Variants in DMD observed in about 807,000 individuals in gnomAD.
DMD encodes the protein dystrophin, also known as mutant dystrophin.
In DMD, 63 loss-of-function variants were observed where a neutral mutation model predicts 330.1. The ratio of observed to expected loss-of-function variants is 0.19; its 90% CI spans 0.16 to 0.24. The LOEUF (loss-of-function observed/expected upper bound fraction) is 0.24. DMD is among the 10% of genes least tolerant of loss of function. DMD has a pLI of 1.00. For synonymous variants in DMD, 1,223 were observed against 959.8 expected (o/e 1.27, Z -5.07); for missense variants, 3,344 against 2,684.1 (o/e 1.25, Z -5.43).
intron 1 of DMD, among the ~76,000 whole-genome samples, chrX:33,161,475 A>G (rs964771193): frequency 9.8e-5 from 11 of 111,858 alleles, no homozygotes; most frequent in African/African-American, 2.9e-4. Flanking sequence ...AAAGGGTGAT[A>G]TTGTTATTCC....
At chrX:32,498,573 C>A (rs1358690766) in intron 19 of DMD, among the ~76,000 whole-genome samples, 3 of 111,226 alleles carry the variant, frequency 2.7e-5, no homozygotes, top group Non-Finnish European at 5.7e-5. Context: ...CAACTCATTT[C>A]TTTGGTTAAA....
At chrX:33,296,780 A>G (rs962205996) in intron 1 of DMD, among the ~76,000 whole-genome samples, 1 of 111,443 alleles carries the variant, frequency 9.0e-6, no homozygotes, top group African/African-American at 3.2e-5. Context: ...AGGAAGACAC[A>G]AAAAATAGTT....
chrX:32,454,857 C>T, intron 25 of DMD, 25 bp from the exon 26 acceptor site: 1 of 1,199,903 alleles, frequency 8.3e-7, no homozygotes, highest in African/African-American at 1.7e-5. Flanking sequence ...ACAAACAAAA[C>T]ACGATTATTG....
intron 1 of DMD, among the ~76,000 whole-genome samples, chrX:33,246,508 C>G (rs1357464141): frequency 1.8e-5 from 2 of 111,505 alleles, no homozygotes; most frequent in East Asian, 5.6e-4. Flanking sequence ...ACTGTTTACC[C>G]TAGAGATAGT....
chrX:33,111,349 C>T (rs187505510), intron 1 of DMD, among the ~76,000 whole-genome samples: 119 of 111,676 alleles, frequency 1.1e-3, no homozygotes, highest in African/African-American at 3.7e-3. Flanking sequence ...TCTCAATCCA[C>T]GGTTATTTCT....
intron 44 of DMD, among the ~76,000 whole-genome samples, chrX:32,078,204 A>T (rs2096366853): frequency 1.8e-5 from 2 of 110,102 alleles, no homozygotes; most frequent in African/African-American, 6.7e-5. Context: ...ATCTCAATAA[A>T]TGGTAATACC....
At chrX:31,994,830 A>G (rs1315926632) in intron 44 of DMD, among the ~76,000 whole-genome samples, 1 of 112,227 alleles carries the variant, frequency 8.9e-6, no homozygotes, top group Non-Finnish European at 1.9e-5. Flanking sequence ...CTCCCTGTTG[A>G]TCTCTTCATT....
chrX:31,138,672 A>AGT, intron 76 of DMD, among the ~76,000 whole-genome samples: 1 of 26,364 alleles, frequency 3.8e-5, no homozygotes, highest in East Asian at 1.1e-3. Context: ...AGAGAGAGAG[A>AGT]GAGAGAGAGA....
At chrX:32,259,969 T>C (rs759249556) in intron 43 of DMD, among the ~76,000 whole-genome samples, 2 of 111,678 alleles carry the variant, frequency 1.8e-5, no homozygotes, top group East Asian at 5.7e-4. Context: ...GAGCAGGGCA[T>C]GGAAGGATCA....
intron 59 of DMD, among the ~76,000 whole-genome samples, chrX:31,456,438 G>A (rs975327435): frequency 8.9e-5 from 10 of 111,733 alleles, no homozygotes; most frequent in African/African-American, 2.0e-4. Flanking sequence ...ATCGCCCCAG[G>A]GGCAACCTCT....
intron 44 of DMD, among the ~76,000 whole-genome samples, chrX:32,138,226 C>T (rs1301014917): frequency 2.7e-5 from 3 of 110,508 alleles, no homozygotes; most frequent in Non-Finnish European, 5.7e-5. Context: ...TGTACCAATT[C>T]CTTTCCCTAT....
chrX:31,500,199 C>A (rs761845598), intron 56 of DMD, among the ~76,000 whole-genome samples: 1 of 111,813 alleles, frequency 8.9e-6, no homozygotes, highest in Admixed American at 9.5e-5. Flanking sequence ...ATGTATTCAA[C>A]CTAAAGCTCT....
chrX:32,836,037 A>AT (rs2079589094), intron 4 of DMD, among the ~76,000 whole-genome samples: 2 of 107,965 alleles, frequency 1.9e-5, no homozygotes, highest in African/African-American at 7.0e-5. Flanking sequence ...TTCAAAAAAA[A>AT]ATTTTTTTTT....
chrX:32,509,934 A>G (rs145914733), intron 18 of DMD, among the ~76,000 whole-genome samples: 1,140 of 111,281 alleles, frequency 0.01, 21 homozygotes, highest in African/African-American at 0.035. Context: ...GTTGGCTCTA[A>G]CCTCAAAACA....
At chrX:32,195,323 C>G (rs1236197553) in intron 44 of DMD, among the ~76,000 whole-genome samples, 2 of 110,842 alleles carry the variant, frequency 1.8e-5, no homozygotes, top group African/African-American at 6.6e-5. Flanking sequence ...GGTTTGGAAT[C>G]AAGAGAAATA....
rs1057279471 is a variant in DMD, at chrX:31,855,072, A to G, written c.7099-18253T>C. Among the ~76,000 whole-genome samples, 4 of 112,410 alleles carry G rather than the reference A, an allele frequency of 3.6e-5. No individual in the cohort carries two copies. In the East Asian group the frequency reaches 1.1e-3, roughly 31 times the overall value. The stretch of plus-strand genomic sequence containing the variant: ...TTTTCAGTGTACATGAATTAATATG[A>G]CATGATATGAATGTCTTTCCTTCCT... On this transcript the variant is annotated intron_variant, in intron 48 of 78. Coordinates refer to ENST00000357033, the MANE Select transcript of DMD (RefSeq NM_004006.3).
At chrX:32,335,244 C>T (rs1367329002) in intron 41 of DMD, among the ~76,000 whole-genome samples, 1 of 108,673 alleles carries the variant, frequency 9.2e-6, no homozygotes, top group Middle Eastern at 4.4e-3. Flanking sequence ...ATCTGTTGCC[C>T]AGGCTGTAGT....
intron 1 of DMD, among the ~76,000 whole-genome samples, chrX:33,314,836 G>A (rs2053910420): frequency 9.3e-6 from 1 of 107,430 alleles, no homozygotes; most frequent in African/African-American, 3.4e-5. Context: ...CCTTTTTTTT[G>A]ATACGGAGTT....
chrX:31,140,813 C>T (rs995103655), intron 76 of DMD, among the ~76,000 whole-genome samples: 4 of 111,847 alleles, frequency 3.6e-5, no homozygotes, highest in Non-Finnish European at 7.5e-5. Flanking sequence ...CATACAGTAA[C>T]GACAATGAGC....
Sources: allele counts gnomAD v4.1 joint callset (sites outside exome capture counted in the v4.1 genomes callset), GRCh38; gene constraint gnomAD v4.1.1; transcripts MANE v1.5; gene names NCBI Gene and HGNC (gene_info 2026-07-23, HGNC 2026-07-21).